Variants in COL14A1 observed in about 807,000 individuals in gnomAD.
COL14A1 encodes collagen alpha-1(XIV) chain.
In COL14A1, 136 loss-of-function variants were observed where a neutral mutation model predicts 230.3. The ratio of observed to expected loss-of-function variants is 0.59; its 90% CI spans 0.51 to 0.68. The LOEUF is 0.68. COL14A1 is among the 30% of genes least tolerant of loss of function. The probability of loss-of-function intolerance (pLI) is 0.00; values close to 1 mark genes in which losing one functional copy is unlikely to be tolerated. For missense variants in COL14A1, 1,976 were observed against 2,215.8 expected, an observed-to-expected ratio of 0.89 and a Z score of 2.17; for synonymous variants, 792 against 784.1, an observed-to-expected ratio of 1.01 and a Z score of -0.17.
chr8:120,353,887 C>T (rs1334034267), intron 45 of COL14A1, among the ~76,000 whole-genome samples: 10 of 151,516 alleles, frequency 6.6e-5, no homozygotes, highest in Non-Finnish European at 1.3e-4. Context: ...CATCCCATTA[C>T]TGGGTATATA....
chr8:120,317,233 T>C (rs897942759), intron 40 of COL14A1, among the ~76,000 whole-genome samples: 5 of 152,192 alleles, frequency 3.3e-5, no homozygotes, highest in African/African-American at 4.8e-5. Flanking sequence ...AGCACCCACT[T>C]CTCTACTCAA....
intron 23 of COL14A1, among the ~76,000 whole-genome samples, chr8:120,260,949 G>C (rs1330894759): frequency 6.6e-6 from 1 of 152,186 alleles, no homozygotes; most frequent in African/African-American, 2.4e-5. Context: ...CTGAGCTTTA[G>C]AGTTCTGAAT....
chr8:120,284,711 A>G (rs1020767710), intron 32 of COL14A1, among the ~76,000 whole-genome samples: 6 of 152,216 alleles, frequency 3.9e-5, no homozygotes, highest in Admixed American at 2.0e-4. Flanking sequence ...TTGAAAGGGT[A>G]TATGTTACTA....
intron 19 of COL14A1, among the ~76,000 whole-genome samples, chr8:120,233,902 T>A (rs1818356837): frequency 6.6e-6 from 1 of 152,224 alleles, no homozygotes. Flanking sequence ...TACAAATTAC[T>A]TTGGGCAATA....
chr8:120,228,632 T>C, intron 17 of COL14A1, 78 bp from the exon 18 acceptor site: 1 of 1,101,532 alleles, frequency 9.1e-7, no homozygotes. Flanking sequence ...AGGTGAAATG[T>C]TCTTTGAAAG....
chr8:120,198,442 A>T (rs1817119597), intron 7 of COL14A1, among the ~76,000 whole-genome samples: 1 of 152,116 alleles, frequency 6.6e-6, no homozygotes, highest in South Asian at 2.1e-4. Flanking sequence ...CGAATATAAG[A>T]ATATTTACAT....
intron 26 of COL14A1, among the ~76,000 whole-genome samples, chr8:120,271,821 T>C (rs1819673240): frequency 6.6e-6 from 1 of 151,450 alleles, no homozygotes; most frequent in Non-Finnish European, 1.5e-5. Context: ...CAACTGGAAG[T>C]CACTGGAAGG....
intron 37 of COL14A1, among the ~76,000 whole-genome samples, chr8:120,313,591 G>A (rs1192316519): frequency 6.6e-6 from 1 of 152,142 alleles, no homozygotes; most frequent in Non-Finnish European, 1.5e-5. Context: ...CCCAGACTAG[G>A]AAGGTGGTCT....
At chr8:120,252,237 TACACGGATAAA>T (rs911286806) in intron 22 of COL14A1, among the ~76,000 whole-genome samples, 57 of 152,310 alleles carry the variant, frequency 3.7e-4, no homozygotes, top group African/African-American at 1.3e-3. Context: ...GGTTTTTGGT[TACACGGATAAA>T]TTCTCTAGTG....
At chr8:120,199,298 AG>A in intron 7 of COL14A1, 103 bp from the exon 8 acceptor site, 1 of 1,026,332 alleles carries the variant, frequency 9.7e-7, no homozygotes, top group South Asian at 2.4e-5. Context: ...TGTAATAAAA[AG>A]TCTATGGCTC....
intron 45 of COL14A1, 82 bp from the exon 46 acceptor site, chr8:120,367,089 C>T (rs1823428032): frequency 4.3e-6 from 5 of 1,165,868 alleles, no homozygotes; most frequent in Admixed American, 2.5e-5. Context: ...CAGAGAAGCA[C>T]TTTCGAACTC....
intron 1 of COL14A1, among the ~76,000 whole-genome samples, chr8:120,135,118 A>G (rs1814667133): frequency 6.6e-6 from 1 of 152,244 alleles, no homozygotes; most frequent in Admixed American, 6.5e-5. Flanking sequence ...TGGTGATGTT[A>G]TATGTTGAAC....
At chr8:120,327,189 T>C (rs1244518116) in intron 40 of COL14A1, among the ~76,000 whole-genome samples, 4 of 152,214 alleles carry the variant, frequency 2.6e-5, no homozygotes, top group Non-Finnish European at 5.9e-5. Flanking sequence ...GTGCCCTGAT[T>C]GGACCCCCTT....
intron 5 of COL14A1, among the ~76,000 whole-genome samples, chr8:120,192,907 A>C (rs1816878226): frequency 6.6e-6 from 1 of 152,136 alleles, no homozygotes; most frequent in South Asian, 2.1e-4. Context: ...CAGCTCCTTT[A>C]AGCACTTCTC....
At chr8:120,287,425 A>G (rs1422825924) in intron 33 of COL14A1, among the ~76,000 whole-genome samples, 1 of 152,168 alleles carries the variant, frequency 6.6e-6, no homozygotes, top group Non-Finnish European at 1.5e-5. Flanking sequence ...GTGTATTGCA[A>G]AATAGTAAAA....
intron 19 of COL14A1, among the ~76,000 whole-genome samples, chr8:120,235,518 T>C (rs966267614): frequency 1.8e-4 from 27 of 152,168 alleles, no homozygotes; most frequent in African/African-American, 6.5e-4. Context: ...TTCTTCTTTA[T>C]TAGTCTGGCT....
intron 5 of COL14A1, among the ~76,000 whole-genome samples, chr8:120,170,481 A>G (rs1334908822): frequency 1.3e-5 from 2 of 152,136 alleles, no homozygotes; most frequent in Non-Finnish European, 2.9e-5. Flanking sequence ...ATTGATGTCT[A>G]ATTATTGCAT....
Position 120,208,397 on chromosome 8 carries a change from A to G in COL14A1, c.1321+36A>G, listed in dbSNP as rs1313689902. The stretch of plus-strand genomic sequence containing the variant: ...AATTCTACCCCACTTCTAACTTTGT[A>G]GAGTGCTGCTTAGGAGGCCTTTCTT... On this transcript the variant is annotated intron_variant, in intron 11 of 47. Transcript: ENST00000297848. 7 of 1,600,260 alleles carry G rather than the reference A, an allele frequency of 4.4e-6. No individual in the cohort carries two copies. The East Asian group carries it at 6.7e-5, about 15-fold the overall frequency.
At chr8:120,209,362 CA>C (rs34293658) in intron 11 of COL14A1, among the ~76,000 whole-genome samples, 6 of 151,314 alleles carry the variant, frequency 4.0e-5, no homozygotes, top group Non-Finnish European at 7.4e-5. Context: ...GAACAGGTCT[CA>C]AAAAAATAAT....
Sources: gnomAD v4.1 joint callset for allele counts (sites outside exome capture counted in the v4.1 genomes callset) on GRCh38, gnomAD v4.1.1 for gene constraint, MANE v1.5 for transcripts, NCBI Gene and HGNC (gene_info 2026-07-23, HGNC 2026-07-21) for gene names.